The following SLC4A4 variants were observed in gnomAD, a reference collection of about 807,000 sequenced individuals.
The protein encoded by SLC4A4 is electrogenic sodium bicarbonate cotransporter 1.
Under a neutral mutation model 111.5 loss-of-function variants are expected in SLC4A4, and 27 were observed. The observed-to-expected ratio is 0.24, with a 90% CI of 0.18 to 0.33. The LOEUF (loss-of-function observed/expected upper bound fraction) is 0.33, where lower values mean the gene tolerates loss of function less well. SLC4A4 is among the 10% of genes least tolerant of loss of function. The pLI is 1.00. For synonymous variants in SLC4A4, 443 were observed against 463.4 expected, an observed-to-expected ratio of 0.96 and a Z score of 0.57; for missense variants, 909 against 1,315.5, an observed-to-expected ratio of 0.69 and a Z score of 4.78.
intron 3 of SLC4A4, among the ~76,000 whole-genome samples, chr4:71,265,182 G>A (rs910706194): frequency 3.3e-5 from 5 of 152,158 alleles, no homozygotes; most frequent in African/African-American, 9.7e-5. Context: ...GTACATTTTT[G>A]TGTATAGGAA....
chr4:71,221,351 C>T lies in SLC4A4; in HGVS notation c.-1-15225C>T, dbSNP rs971070115. Among the ~76,000 whole-genome samples, 23 of 152,178 alleles carry T rather than the reference C, an allele frequency of 1.5e-4. 1 individual carries two copies. The highest frequency in any genetic ancestry group is 1.3e-3 in the Admixed American group (20 of 15,274). ...TAAATTGGGATGTAACGTCCTTCCA[C>T]AATGTGGACCACTCCTGTTTGTACA... On this transcript the variant is annotated intron_variant, in intron 1 of 25. Coordinates refer to ENST00000264485, the MANE Select transcript of SLC4A4 (RefSeq NM_001098484.3).
chr4:71,502,766 G>A (rs927260379), intron 16 of SLC4A4, among the ~76,000 whole-genome samples: 21 of 152,154 alleles, frequency 1.4e-4, no homozygotes, highest in Admixed American at 1.1e-3. Context: ...CTGTCCTGGA[G>A]AATGTTACAA....
intron 16 of SLC4A4, among the ~76,000 whole-genome samples, chr4:71,507,554 A>G (rs1166548146): frequency 6.6e-6 from 1 of 152,224 alleles, no homozygotes; most frequent in Non-Finnish European, 1.5e-5. Context: ...TATCCTAAAT[A>G]GAAATGCTTC....
At chr4:71,503,829 T>A (rs1578061144) in intron 16 of SLC4A4, among the ~76,000 whole-genome samples, 2 of 152,302 alleles carry the variant, frequency 1.3e-5, no homozygotes, top group Middle Eastern at 3.4e-3. Context: ...TTGTTTACAG[T>A]TGTAGCTCTT....
chr4:71,466,707 A>T, intron 13 of SLC4A4, 130 bp downstream of exon 13: 3 of 955,238 alleles, frequency 3.1e-6, no homozygotes, highest in Non-Finnish European at 4.8e-6. Flanking sequence ...TTCAGATGTG[A>T]GAGGTGAAAG....
At chr4:71,215,188 A>G (rs566624610) in intron 1 of SLC4A4, among the ~76,000 whole-genome samples, 3 of 152,098 alleles carry the variant, frequency 2.0e-5, no homozygotes, top group Non-Finnish European at 4.4e-5. Context: ...TCCTCTCCTC[A>G]ATCTTGTTGA....
At chr4:71,220,788 G>A (rs570601096) in intron 1 of SLC4A4, among the ~76,000 whole-genome samples, 29 of 152,156 alleles carry the variant, frequency 1.9e-4, no homozygotes, top group African/African-American at 7.0e-4. Context: ...TGTCATGGGA[G>A]TTTGTTGCAC....
chr4:71,362,026 C>A (rs1730838282), intron 6 of SLC4A4, among the ~76,000 whole-genome samples: 1 of 152,104 alleles, frequency 6.6e-6, no homozygotes, highest in African/African-American at 2.4e-5. Flanking sequence ...TGCAAAAAAT[C>A]ATTGAGACCT....
chr4:71,092,706 T>A (rs1742420944), intron 1 of SLC4A4, among the ~76,000 whole-genome samples: 2 of 152,238 alleles, frequency 1.3e-5, no homozygotes, highest in South Asian at 4.1e-4. Context: ...ATACATCAAG[T>A]AATTGTTATT....
intron 2 of SLC4A4, among the ~76,000 whole-genome samples, chr4:71,168,920 T>C (rs1033035939): frequency 6.6e-6 from 1 of 152,234 alleles, no homozygotes; most frequent in Non-Finnish European, 1.5e-5. Context: ...AACATGGGCA[T>C]GCAGATATCT....
At chr4:71,518,205 G>A (rs1560580907) in intron 16 of SLC4A4, among the ~76,000 whole-genome samples, 3 of 152,106 alleles carry the variant, frequency 2.0e-5, no homozygotes, top group Non-Finnish European at 4.4e-5. Flanking sequence ...GTGGGGGCCA[G>A]CCTGGAAGCT....
At chr4:71,500,081 A>G (rs1395629936) in intron 16 of SLC4A4, among the ~76,000 whole-genome samples, 1 of 152,140 alleles carries the variant, frequency 6.6e-6, no homozygotes, top group South Asian at 2.1e-4. Flanking sequence ...CCACATCATC[A>G]CCAACACTTA....
At chr4:71,301,869 G>A (rs1578788796) in intron 3 of SLC4A4, among the ~76,000 whole-genome samples, 1 of 152,190 alleles carries the variant, frequency 6.6e-6, no homozygotes, top group East Asian at 1.9e-4. Context: ...GCTGGTTCTC[G>A]AGAAATGCCA....
At chr4:71,324,425 A>G (rs959621781) in intron 3 of SLC4A4, among the ~76,000 whole-genome samples, 1 of 152,018 alleles carries the variant, frequency 6.6e-6, no homozygotes, top group South Asian at 2.1e-4. Context: ...ATAATTAATA[A>G]AAGAAGCAGC....
At chr4:71,286,626 C>A (rs1723939550) in intron 3 of SLC4A4, among the ~76,000 whole-genome samples, 1 of 152,172 alleles carries the variant, frequency 6.6e-6, no homozygotes, top group Non-Finnish European at 1.5e-5. Context: ...AACACTGCCT[C>A]CTATTTGTGT....
intron 3 of SLC4A4, 40 bp downstream of exon 3, chr4:71,255,439 C>T (rs372443133): frequency 1.3e-6 from 2 of 1,599,820 alleles, no homozygotes; most frequent in Non-Finnish European, 1.7e-6. Context: ...CTCTGCCTCA[C>T]TCCCACATCT....
At chr4:71,071,206 G>T (rs111956020) in intron 1 of SLC4A4, among the ~76,000 whole-genome samples, 12,633 of 150,078 alleles carry the variant, frequency 0.084, 1,864 homozygotes, top group African/African-American at 0.29. Flanking sequence ...GGAGGTGAAG[G>T]TTGCAGTGAG....
At chr4:71,372,406 C>T (rs1378742959) in intron 6 of SLC4A4, among the ~76,000 whole-genome samples, 2 of 152,230 alleles carry the variant, frequency 1.3e-5, no homozygotes, top group African/African-American at 4.8e-5. Flanking sequence ...AGAGAAGCTA[C>T]TTTTCAGGAC....
rs574339678 is a variant in SLC4A4 at position 71,560,073 on chromosome 4, T to C, written c.2938-20T>C. The C allele has an allele frequency of 2.5e-4, 397 of 1,590,894 alleles. 3 individuals carry two copies. In the South Asian group the frequency reaches 4.3e-3, roughly 17 times the overall value. ...CATCTGACATGGTTTCTTTCATACT[T>C]TTAATATTTGCTCTTTCAGATCTTG... On this transcript the variant is annotated intron_variant, in intron 22 of 25. Coordinates refer to ENST00000264485, the MANE Select transcript of SLC4A4 (RefSeq NM_001098484.3).
Sources: allele counts gnomAD v4.1 joint callset (sites outside exome capture counted in the v4.1 genomes callset), GRCh38; gene constraint gnomAD v4.1.1; transcripts MANE v1.5; gene names NCBI Gene and HGNC (gene_info 2026-07-23, HGNC 2026-07-21).